Variants in AGAP1 observed in about 807,000 individuals in gnomAD.
AGAP1 encodes arf-GAP with GTPase, ANK repeat and PH domain-containing protein 1.
In AGAP1, 29 loss-of-function variants were observed where a neutral mutation model predicts 105.3. The ratio of observed to expected loss-of-function variants is 0.28; its 90% confidence interval spans 0.21 to 0.38. The LOEUF is 0.38. Among genes scored for constraint, AGAP1 ranks in the 10% least tolerant of loss-of-function variants. The pLI is 1.00. For missense variants in AGAP1, 998 were observed against 1,165.1 expected, an observed-to-expected ratio of 0.86 and a Z score of 2.09; for synonymous variants, 509 against 485.9, an observed-to-expected ratio of 1.05 and a Z score of -0.63.
Position 235,958,828 on chromosome 2 carries a change from TA to T in AGAP1, c.1484-9633del, listed in dbSNP as rs755098407. On this transcript the variant is annotated intron_variant, in intron 12 of 17. Transcript: ENST00000304032. The surrounding 1 kb of genome is among the most constrained non-coding windows in gnomAD (Gnocchi z 4.1). ...ACGGAATGTTATTTTATTCCCCCTC[TA>T]GTCATGCTTGTCAGCTCTCCGAGTG... is the stretch of plus-strand genomic sequence containing the variant. Among the ~76,000 whole-genome samples, 6 of 152,222 alleles carry T rather than the reference TA, an allele frequency of 3.9e-5. No homozygotes were observed. Among genetic ancestry groups the T allele is most frequent in the Non-Finnish European group, 8.8e-5 (6 of 68,042 alleles).
rs1946274970 is a variant in AGAP1 at position 235,615,365 on chromosome 2, C to G, written c.164-93814C>G. On this transcript the variant is annotated intron_variant, in intron 1 of 17. Transcript: ENST00000304032. The surrounding 1 kb of genome is among the most constrained non-coding windows in gnomAD (Gnocchi z 5.0). ...ACTGAGGAGCTTGCCAGTATTGTTA[C>G]AATTGGAGTGATCTCATATGACCAA... Among the ~76,000 whole-genome samples, 1 of 152,224 alleles carries G rather than the reference C, an allele frequency of 6.6e-6. No individual in the cohort carries two copies. Among genetic ancestry groups the G allele is most frequent in the African/African-American group, 2.4e-5 (1 of 41,464 alleles).
rs1447130916 is a variant in AGAP1, at chr2:235,600,707, C to A, written c.163+105858C>A. Among the ~76,000 whole-genome samples the A allele has an allele frequency of 6.6e-6, 1 of 152,144 alleles. No individual in the cohort carries two copies. The highest frequency in any genetic ancestry group is 1.9e-4 in the East Asian group (1 of 5,174). ...GGAGGCTAAGCCAGTCTTGCCTGTTCATGTTTTTCTGCCTGCTTTATATTT... is the reference window on the plus strand; with the variant it reads ...GGAGGCTAAGCCAGTCTTGCCTGTTAATGTTTTTCTGCCTGCTTTATATTT... On this transcript the variant is annotated intron_variant, in intron 1 of 17. Coordinates refer to ENST00000304032, the MANE Select transcript of AGAP1 (RefSeq NM_001037131.3). This position sits in a 1 kb window ranked among gnomAD's most constrained non-coding sequence, Gnocchi z 4.8.
intron 9 of AGAP1, among the ~76,000 whole-genome samples, chr2:235,839,493 T>C (rs895690356): frequency 6.8e-6 from 1 of 147,010 alleles, no homozygotes; most frequent in Non-Finnish European, 1.5e-5. Flanking sequence ...ATGCCTCTAA[T>C]CTCAGCACTT....
intron 1 of AGAP1, among the ~76,000 whole-genome samples, chr2:235,508,024 C>T (rs1038544431): frequency 4.6e-5 from 7 of 152,118 alleles, no homozygotes; most frequent in African/African-American, 1.7e-4. Context: ...TCAAGTGAGA[C>T]CATGAGATAT....
intron 13 of AGAP1, among the ~76,000 whole-genome samples, chr2:235,984,934 G>A (rs1207863592): frequency 4.6e-5 from 7 of 152,122 alleles, no homozygotes; most frequent in Non-Finnish European, 5.9e-5. Flanking sequence ...TGTTTTTATA[G>A]CAGAATGATT....
At chr2:235,682,797 C>CGTGTGTGTGTGTGT (rs71064869) in intron 1 of AGAP1, among the ~76,000 whole-genome samples, 5,033 of 149,520 alleles carry the variant, frequency 0.034, 285 homozygotes, top group African/African-American at 0.11. Context: ...TGTGTGCACA[C>CGTGTGTGTGTGTGT]GTGTGTGTGT....
At chr2:235,565,616 A>G (rs1179990570) in intron 1 of AGAP1, among the ~76,000 whole-genome samples, 1 of 152,226 alleles carries the variant, frequency 6.6e-6, no homozygotes, top group East Asian at 1.9e-4. Flanking sequence ...AAGACCTGCT[A>G]TAAAGTGTCA....
rs2058759424 is a variant in AGAP1, at chr2:236,080,748, A to G, written c.2114+31467A>G. Among the ~76,000 whole-genome samples the G allele has an allele frequency of 6.6e-6, 1 of 152,162 alleles. No individual in the cohort carries two copies. On this transcript the variant is annotated intron_variant, in intron 16 of 17. Coordinates refer to ENST00000304032, the MANE Select transcript of AGAP1 (RefSeq NM_001037131.3). The surrounding 1 kb of genome is among the most constrained non-coding windows in gnomAD (Gnocchi z 4.2). Reference sequence around the variant, plus strand: ...TTTCATTCCTTCTAGAGGCTGTGAGAGAGTCCATGCCCCTGTCTGTTCCAG... The same window carrying G: ...TTTCATTCCTTCTAGAGGCTGTGAGGGAGTCCATGCCCCTGTCTGTTCCAG...
chr2:235,970,144 G>A lies in AGAP1; in HGVS notation c.1645+1521G>A, dbSNP rs1255391791. 6.7e-6 allele frequency among the ~76,000 whole-genome samples: 1 copy of A among 149,084 alleles called. No individual in the cohort carries two copies. Reference sequence around the variant, plus strand: ...TTGAACCCAGGAGGTGGAGGTTGCAGTGAACCGAGACCATGCCACTGCACT... The same window carrying A: ...TTGAACCCAGGAGGTGGAGGTTGCAATGAACCGAGACCATGCCACTGCACT... On this transcript the variant is annotated intron_variant, in intron 13 of 17. Coordinates refer to ENST00000304032, the MANE Select transcript of AGAP1 (RefSeq NM_001037131.3). This position sits in a 1 kb window ranked among gnomAD's most constrained non-coding sequence, Gnocchi z 5.4.
intron 1 of AGAP1, among the ~76,000 whole-genome samples, chr2:235,509,862 G>T (rs887461073): frequency 4.6e-5 from 7 of 152,122 alleles, no homozygotes; most frequent in Non-Finnish European, 8.8e-5. Context: ...GCCAGCAAGT[G>T]AAGCTTCATC....
chr2:235,687,721 C>T (rs989666073), intron 1 of AGAP1, among the ~76,000 whole-genome samples: 2 of 152,078 alleles, frequency 1.3e-5, no homozygotes, highest in Non-Finnish European at 2.9e-5. Context: ...TTATCTTCTT[C>T]GCAGGATGTG....
chr2:235,512,021 TGA>T (rs1942156548), intron 1 of AGAP1, among the ~76,000 whole-genome samples: 1 of 51,438 alleles, frequency 1.9e-5, no homozygotes, highest in Non-Finnish European at 3.4e-5. Context: ...TGTGAATGTG[TGA>T]GGTGTGAATG....
intron 16 of AGAP1, among the ~76,000 whole-genome samples, chr2:236,057,537 A>C (rs1413918624): frequency 1.3e-5 from 2 of 152,162 alleles, no homozygotes. Flanking sequence ...CACCCACACA[A>C]GTGCAGGGTT....
intron 1 of AGAP1, among the ~76,000 whole-genome samples, chr2:235,541,554 A>C (rs1319391611): frequency 2.7e-5 from 4 of 149,722 alleles, no homozygotes; most frequent in Admixed American, 2.7e-4. Flanking sequence ...TGCCCGGCTA[A>C]TTTTTTGTAT....
chr2:236,079,269 C>A (rs1435742453), intron 16 of AGAP1, among the ~76,000 whole-genome samples: 3,257 of 151,780 alleles, frequency 0.021, 51 homozygotes, highest in African/African-American at 0.045. Context: ...CCTGTAATCC[C>A]AGCACTTTGG....
At chr2:236,010,350 G>C (rs1052802870) in intron 13 of AGAP1, among the ~76,000 whole-genome samples, 5 of 152,144 alleles carry the variant, frequency 3.3e-5, no homozygotes, top group African/African-American at 7.2e-5. Flanking sequence ...TGAAAAGATC[G>C]TGACTGTCTG....
Position 235,655,620 on chromosome 2 carries a change from C to A in AGAP1, c.164-53559C>A, listed in dbSNP as rs1471405183. 1.3e-5 allele frequency among the ~76,000 whole-genome samples: 2 copies of A among 152,194 alleles called. No homozygotes were observed. The highest frequency in any genetic ancestry group is 3.9e-4 in the East Asian group (2 of 5,194). On this transcript the variant is annotated intron_variant, in intron 1 of 17. Transcript: ENST00000304032. This position sits in a 1 kb window ranked among gnomAD's most constrained non-coding sequence, Gnocchi z 4.3. ...AGTAGCTGTGAAAACGTTTCTCTAGCAAGGCTGCCTGTGAGTGGGATCCCA... is the reference window on the plus strand; with the variant it reads ...AGTAGCTGTGAAAACGTTTCTCTAGAAAGGCTGCCTGTGAGTGGGATCCCA...
rs530801199 is a variant in AGAP1, at chr2:236,118,472, C to G, written c.2115-1720C>G. ...TGGCGCAATCTCAGCTCACTGCAAC[C>G]TCTGCCTCCCGGGTTCAAGCCATTC... On this transcript the variant is annotated intron_variant, in intron 16 of 17. Transcript: ENST00000304032. Among the ~76,000 whole-genome samples, 175 of 151,224 alleles carry G rather than the reference C, an allele frequency of 1.2e-3. 1 individual carries two copies. The highest frequency in any genetic ancestry group is 4.0e-3 in the African/African-American group (163 of 41,104).
chr2:235,662,516 GAT>G lies in AGAP1; in HGVS notation c.164-46662_164-46661del, dbSNP rs1491132275. On this transcript the variant is annotated intron_variant, in intron 1 of 17. Coordinates refer to ENST00000304032, the MANE Select transcript of AGAP1 (RefSeq NM_001037131.3). This position sits in a 1 kb window ranked among gnomAD's most constrained non-coding sequence, Gnocchi z 4.2. ...TCTGTCTGCCTTCATGGAAGTTGGT[GAT>G]TTTTTTTTTTTTTTTTTTGGCTCTG... 1.8e-5 allele frequency among the ~76,000 whole-genome samples: 2 copies of G among 112,542 alleles called. No homozygotes were observed. Among genetic ancestry groups the G allele is most frequent in the Admixed American group, 1.1e-4 (1 of 8,780 alleles). The allele number at this position is 112,542 out of a possible 152,430, so 73.8% of individuals were successfully genotyped here.
Sources: allele counts gnomAD v4.1 joint callset (sites outside exome capture counted in the v4.1 genomes callset), GRCh38; gene constraint gnomAD v4.1.1; non-coding constraint Gnocchi (gnomAD v3.1); transcripts MANE v1.5; gene names NCBI Gene and HGNC (gene_info 2026-07-23, HGNC 2026-07-21).